ERC2: variants seen among roughly 807,000 people sequenced by gnomAD.
The protein encoded by ERC2 is ELKS/RAB6-interacting/CAST family member 2.
A neutral mutation model predicts 114.8 loss-of-function variants in ERC2; 42 were observed. The observed-to-expected ratio is 0.37, with a 90% CI of 0.29 to 0.47. The LOEUF (loss-of-function observed/expected upper bound fraction) is 0.47. Among genes scored for constraint, ERC2 ranks in the 20% least tolerant of loss-of-function variants. ERC2 has a pLI of 0.99. For missense variants in ERC2, 939 were observed against 1,150.7 expected (o/e 0.82, Z 2.66); for synonymous variants, 454 against 425.5 (o/e 1.07, Z -0.82).
At chr3:55,593,670 G>A (rs1039403323) in intron 17 of ERC2, among the ~76,000 whole-genome samples, 3 of 151,958 alleles carry the variant, frequency 2.0e-5, no homozygotes, top group African/African-American at 7.3e-5. Context: ...TTGGTGGTGG[G>A]GCAGGTACTT....
intron 14 of ERC2, among the ~76,000 whole-genome samples, chr3:55,785,973 T>C (rs965606388): frequency 1.4e-4 from 22 of 152,252 alleles, no homozygotes; most frequent in African/African-American, 4.8e-4. Context: ...TCTTGAAATG[T>C]GCATTTATCC....
At chr3:56,127,816 AC>A (rs1381799852) in intron 6 of ERC2, among the ~76,000 whole-genome samples, 3 of 152,144 alleles carry the variant, frequency 2.0e-5, no homozygotes, top group Non-Finnish European at 4.4e-5. Context: ...ACAAATCCAC[AC>A]ATTTGTAGCC....
intron 2 of ERC2, among the ~76,000 whole-genome samples, chr3:56,302,229 A>G (rs1254413718): frequency 6.6e-6 from 1 of 152,174 alleles, no homozygotes; most frequent in Non-Finnish European, 1.5e-5. Flanking sequence ...ATGTATTTCA[A>G]TAACCCTAAG....
intron 15 of ERC2, among the ~76,000 whole-genome samples, chr3:55,720,532 G>A (rs891148075): frequency 3.3e-5 from 5 of 151,810 alleles, no homozygotes; most frequent in South Asian, 4.1e-4. Context: ...CAATCTTTCC[G>A]CCTTGGCCTC....
chr3:55,768,065 C>A (rs188735094), intron 14 of ERC2, among the ~76,000 whole-genome samples: 228 of 152,268 alleles, frequency 1.5e-3, no homozygotes, highest in Middle Eastern at 0.014. Context: ...CCTCCTTTTT[C>A]TGGCCATGTA....
intron 3 of ERC2, among the ~76,000 whole-genome samples, chr3:56,253,437 C>T (rs746486203): frequency 6.6e-6 from 1 of 152,164 alleles, no homozygotes; most frequent in Non-Finnish European, 1.5e-5. Flanking sequence ...TCTTTAGGCA[C>T]AAAATGTTTT....
chr3:56,445,920 A>C (rs2062539091), intron 1 of ERC2, among the ~76,000 whole-genome samples: 1 of 150,588 alleles, frequency 6.6e-6, no homozygotes, highest in Non-Finnish European at 1.5e-5. Flanking sequence ...TTTTTTCATG[A>C]TGTGAAAGAC....
intron 17 of ERC2, among the ~76,000 whole-genome samples, chr3:55,626,051 T>C (rs779222187): frequency 1.4e-4 from 22 of 152,358 alleles, no homozygotes; most frequent in Middle Eastern, 3.4e-3. Flanking sequence ...GTTTCTCAGC[T>C]ACTTTCGCTT....
chr3:56,289,538 C>A (rs1312236692), intron 3 of ERC2, among the ~76,000 whole-genome samples: 2 of 152,162 alleles, frequency 1.3e-5, no homozygotes, highest in Non-Finnish European at 2.9e-5. Flanking sequence ...TGAGACCAAA[C>A]CATCTGCTCA....
intron 17 of ERC2, among the ~76,000 whole-genome samples, chr3:55,598,245 A>G (rs1246408015): frequency 1.3e-5 from 2 of 152,272 alleles, no homozygotes; most frequent in Non-Finnish European, 2.9e-5. Flanking sequence ...GCATGTCTGC[A>G]TAAGGACTGC....
intron 2 of ERC2, among the ~76,000 whole-genome samples, chr3:56,302,772 T>G (rs1170298902): frequency 6.6e-6 from 1 of 152,222 alleles, no homozygotes; most frequent in Non-Finnish European, 1.5e-5. Flanking sequence ...CTCTTTGGAA[T>G]CTCCCAGGCA....
chr3:56,310,173 T>G (rs563467975), intron 2 of ERC2, among the ~76,000 whole-genome samples: 1 of 152,332 alleles, frequency 6.6e-6, no homozygotes, highest in South Asian at 2.1e-4. Context: ...TGCCCTGTTA[T>G]CAACACTTCT....
chr3:56,409,758 C>G (rs936536363), intron 2 of ERC2, among the ~76,000 whole-genome samples: 4 of 152,226 alleles, frequency 2.6e-5, no homozygotes, highest in African/African-American at 9.7e-5. Flanking sequence ...CTCCCTGACC[C>G]CCAGCTATAC....
chr3:56,239,332 C>T (rs1416490802), intron 3 of ERC2, among the ~76,000 whole-genome samples: 2 of 151,462 alleles, frequency 1.3e-5, no homozygotes, highest in African/African-American at 4.9e-5. Flanking sequence ...GCGTGGGCAA[C>T]ATGGTGAAAC....
chr3:55,775,631 TAGAC>T (rs994285910), intron 14 of ERC2, among the ~76,000 whole-genome samples: 10 of 151,454 alleles, frequency 6.6e-5, no homozygotes, highest in South Asian at 2.1e-4. Flanking sequence ...AGATAGATAA[TAGAC>T]AGACAGAGAG....
chr3:56,250,668 T>C (rs1044259387), intron 3 of ERC2, among the ~76,000 whole-genome samples: 2 of 152,158 alleles, frequency 1.3e-5, no homozygotes, highest in Non-Finnish European at 2.9e-5. Flanking sequence ...ATTATATATT[T>C]TAAAAGCTCC....
At chr3:56,337,099 C>T (rs1448654174) in intron 2 of ERC2, among the ~76,000 whole-genome samples, 3 of 152,210 alleles carry the variant, frequency 2.0e-5, no homozygotes. Context: ...CTCTCAGTAC[C>T]AGTATCAGCT....
intron 14 of ERC2, among the ~76,000 whole-genome samples, chr3:55,755,323 C>T (rs1043192241): frequency 3.9e-5 from 6 of 152,046 alleles, no homozygotes; most frequent in Non-Finnish European, 8.8e-5. Flanking sequence ...GAGTAACTAC[C>T]AGGATGGCAA....
intron 14 of ERC2, among the ~76,000 whole-genome samples, chr3:55,835,011 A>G (rs2060805781): frequency 6.6e-6 from 1 of 151,696 alleles, no homozygotes; most frequent in South Asian, 2.1e-4. Flanking sequence ...AGAAATGGAT[A>G]AATTCCTCGA....
Sources: allele counts gnomAD v4.1 joint callset (sites outside exome capture counted in the v4.1 genomes callset), GRCh38; gene constraint gnomAD v4.1.1; transcripts MANE v1.5; gene names NCBI Gene and HGNC (gene_info 2026-07-23, HGNC 2026-07-21).